CELF2: variants seen among roughly 807,000 people sequenced by gnomAD.
The protein encoded by CELF2 is CUG triplet repeat RNA-binding protein 2.
A neutral mutation model predicts 62.6 loss-of-function variants in CELF2; 8 were observed. That is an observed-to-expected ratio of 0.13 (90% CI 0.07 to 0.23). The LOEUF (loss-of-function observed/expected upper bound fraction) is 0.23, where lower values mean the gene tolerates loss of function less well. Among genes scored for constraint, CELF2 ranks in the 10% least tolerant of loss-of-function variants. The pLI, the probability that CELF2 is intolerant of heterozygous loss-of-function variation, is 1.00. For synonymous variants in CELF2, 258 were observed against 250.0 expected (o/e 1.03, Z -0.30); for missense variants, 333 against 671.0 (o/e 0.50, Z 5.56).
chr10:10,530,780 C>T, the CELF2 span, among the ~76,000 whole-genome samples: 7 of 152,190 alleles, frequency 4.6e-5, no homozygotes, highest in Admixed American at 3.9e-4. Flanking sequence ...TCTGAAGTGG[C>T]CAATATGTCA....
At chr10:10,627,502 A>T in the CELF2 span, among the ~76,000 whole-genome samples, 2 of 152,230 alleles carry the variant, frequency 1.3e-5, no homozygotes, top group African/African-American at 4.8e-5. Flanking sequence ...AGCCCTAAAA[A>T]TTAGAAGTCC....
the CELF2 span, among the ~76,000 whole-genome samples, chr10:10,680,859 G>T: frequency 6.6e-6 from 1 of 152,026 alleles, no homozygotes; most frequent in South Asian, 2.1e-4. Flanking sequence ...ATGTTTATGT[G>T]TTTATATCTT....
At chr10:10,606,140 A>G in the CELF2 span, among the ~76,000 whole-genome samples, 3 of 152,262 alleles carry the variant, frequency 2.0e-5, no homozygotes, top group South Asian at 4.1e-4. Flanking sequence ...GAGGTAAACA[A>G]AGGGGTAGAA....
At chr10:10,558,181 T>C in the CELF2 span, among the ~76,000 whole-genome samples, 39 of 152,358 alleles carry the variant, frequency 2.6e-4, no homozygotes, top group East Asian at 7.3e-3. Context: ...TTGTCATAGA[T>C]AGCTCTTATT....
At chr10:10,754,891 G>A in the CELF2 span, among the ~76,000 whole-genome samples, 234 of 152,256 alleles carry the variant, frequency 1.5e-3, no homozygotes, top group African/African-American at 5.4e-3. Flanking sequence ...GCAAGCCATC[G>A]GCGTCAGTCA....
At chr10:10,690,174 C>T in the CELF2 span, among the ~76,000 whole-genome samples, 1 of 152,196 alleles carries the variant, frequency 6.6e-6, no homozygotes, top group African/African-American at 2.4e-5. Flanking sequence ...TTCCTCCTTG[C>T]TGAAGATTTT....
At position 11,148,229 on chromosome 10, in the gene CELF2, T is replaced by C. The variant is rs529848960; in HGVS notation, c.75-17257T>C. ...ATTACAACTGAGAGAGTAAAAGGTA[T>C]TTCAGCCGTACTCAATTGGTATTTT... On this transcript the variant is annotated intron_variant, in intron 1 of 12. Transcript: ENST00000633077. Among the ~76,000 whole-genome samples the C allele has an allele frequency of 2.6e-5, 4 of 152,322 alleles. No homozygotes were observed. In the East Asian group the frequency reaches 7.7e-4, roughly 29 times the overall value.
intron 1 of CELF2, among the ~76,000 whole-genome samples, chr10:11,056,569 A>G (rs1429175077): frequency 2.6e-5 from 4 of 152,258 alleles, no homozygotes; most frequent in Non-Finnish European, 5.9e-5. Context: ...ATTCTTGTGC[A>G]GAAAGGGAAG....
the CELF2 span, among the ~76,000 whole-genome samples, chr10:10,690,407 T>C: frequency 2.0e-5 from 3 of 152,222 alleles, no homozygotes; most frequent in South Asian, 4.1e-4. Flanking sequence ...TGTTATCATG[T>C]GTATGTGTGT....
At chr10:10,479,917 A>C in the CELF2 span, among the ~76,000 whole-genome samples, 1 of 152,192 alleles carries the variant, frequency 6.6e-6, no homozygotes, top group East Asian at 1.9e-4. Flanking sequence ...GTAACTGTGC[A>C]TTCATTGTCT....
At chr10:10,833,572 G>A (rs904882464) in intron 1 of CELF2, among the ~76,000 whole-genome samples, 2 of 152,158 alleles carry the variant, frequency 1.3e-5, no homozygotes, top group African/African-American at 4.8e-5. Context: ...ATATAATCAA[G>A]GATTGTGAAT....
rs540456598 is a variant in CELF2 at position 11,008,654 on chromosome 10, C to T, written c.53+3214C>T. ...CATTGAGCACAGCCATGGAAACACG[C>T]AGGTTCTTGGAAAGAAAGTAAAATG... is the stretch of plus-strand genomic sequence containing the variant. On this transcript the variant is annotated intron_variant, in intron 1 of 12. Transcript: ENST00000416382. This position sits in a 1 kb window ranked among gnomAD's most constrained non-coding sequence, Gnocchi z 4.5. Among the ~76,000 whole-genome samples, 2 of 152,296 alleles carry T rather than the reference C, an allele frequency of 1.3e-5. No homozygotes were observed. Among genetic ancestry groups the T allele is most frequent in the East Asian group, 3.9e-4 (2 of 5,184 alleles).
At position 11,035,937 on chromosome 10, in the gene CELF2, T is replaced by G. The variant is rs573776401; in HGVS notation, c.74+17774T>G. Reference sequence around the variant, plus strand: ...ACAAATTCTGCTTGGCAATTTTATTTCATGACCAACAAGCAAAGCAATGTT... The same window carrying G: ...ACAAATTCTGCTTGGCAATTTTATTGCATGACCAACAAGCAAAGCAATGTT... On this transcript the variant is annotated intron_variant, in intron 1 of 12. Coordinates refer to ENST00000633077, the MANE Select transcript of CELF2 (RefSeq NM_001326342.2). 3.3e-5 allele frequency among the ~76,000 whole-genome samples: 5 copies of G among 152,372 alleles called. No individual in the cohort carries two copies. The South Asian group carries it at 1.0e-3, about 32-fold the overall frequency.
At chr10:11,203,038 A>G (rs1019195297) in intron 2 of CELF2, among the ~76,000 whole-genome samples, 6 of 151,874 alleles carry the variant, frequency 4.0e-5, no homozygotes, top group African/African-American at 1.5e-4. Flanking sequence ...ATCCTCATCC[A>G]GTCATCCAGG....
chr10:10,610,821 A>G, the CELF2 span, among the ~76,000 whole-genome samples: 2 of 152,226 alleles, frequency 1.3e-5, no homozygotes, highest in Non-Finnish European at 2.9e-5. Context: ...TAGACCAGTT[A>G]TAGTGATTAG....
intron 2 of CELF2, among the ~76,000 whole-genome samples, chr10:11,197,029 G>A (rs1021408780): frequency 2.3e-4 from 4 of 17,552 alleles, no homozygotes; most frequent in African/African-American, 1.0e-3. Flanking sequence ...AGAAAGAAAA[G>A]AAAGAAAGAA....
intron 2 of CELF2, among the ~76,000 whole-genome samples, chr10:10,974,892 T>C (rs2051152444): frequency 6.6e-6 from 1 of 152,252 alleles, no homozygotes; most frequent in Non-Finnish European, 1.5e-5. Context: ...AGAGTGATTT[T>C]ACAGTGTCTT....
upstream of CELF2, among the ~76,000 whole-genome samples, chr10:11,015,651 C>T (rs1011874919): frequency 6.6e-6 from 1 of 152,216 alleles, no homozygotes; most frequent in South Asian, 2.1e-4. This position sits in a 1 kb window ranked among gnomAD's most constrained non-coding sequence, Gnocchi z 4.8. Flanking sequence ...CTATGTTACA[C>T]AGTAGTTAAA....
At chr10:11,168,649 C>A (rs1043768695) in intron 2 of CELF2, among the ~76,000 whole-genome samples, 2 of 152,112 alleles carry the variant, frequency 1.3e-5, no homozygotes, top group African/African-American at 4.8e-5. Context: ...TTTGGAGAGG[C>A]CTTGATTCAT....
Sources: allele counts gnomAD v4.1 joint callset (sites outside exome capture counted in the v4.1 genomes callset), GRCh38; gene constraint gnomAD v4.1.1; non-coding constraint Gnocchi (gnomAD v3.1); transcripts MANE v1.5; gene names NCBI Gene and HGNC (gene_info 2026-07-23, HGNC 2026-07-21).